FKRP: variants seen among roughly 807,000 people sequenced by gnomAD.
The protein encoded by FKRP is ribitol 5-phosphate transferase FKRP.
In FKRP, 25 loss-of-function variants were observed where a neutral mutation model predicts 30.6. That is an observed-to-expected ratio of 0.82 (90% CI 0.60 to 1.14). FKRP has a LOEUF of 1.14. Among genes scored for constraint, FKRP ranks in the 50% most tolerant of loss-of-function variants. FKRP has a pLI of 0.00. For synonymous variants in FKRP, 358 were observed against 342.5 expected, an observed-to-expected ratio of 1.05 and a Z score of -0.50; for missense variants, 771 against 727.8, an observed-to-expected ratio of 1.06 and a Z score of -0.68.
chr19:46,756,366 G>A lies in FKRP; in HGVS notation c.916G>A (p.Ala306Thr). 1.3e-6 allele frequency: 2 copies of A among 1,560,812 alleles called. No individual in the cohort carries two copies. The highest frequency in any genetic ancestry group is 1.7e-6 in the Non-Finnish European group (2 of 1,155,012). Residue 306 changes from alanine to threonine, a missense_variant, in exon 4 of 4, where the codon GCC becomes ACC. Coordinates refer to ENST00000318584, the MANE Select transcript of FKRP (RefSeq NM_024301.5). This position sits in a 1 kb window ranked among gnomAD's most constrained non-coding sequence, Gnocchi z 6.6. ...CGGAACCGTGGTGGGCGACACGCCCGCCTACCTCTACGAGGAGCGCTGGAC... is the reference window on the plus strand; with the variant it reads ...CGGAACCGTGGTGGGCGACACGCCCACCTACCTCTACGAGGAGCGCTGGAC... ...CFGTVVGDTP[A>T]YLYEERWTPP...
rs1481578790 is a variant in FKRP at position 46,756,585 on chromosome 19, C to T, written c.1135C>T (p.Arg379Trp). The stretch of plus-strand genomic sequence containing the variant: ...GGACGTGGGCAACTGCGAGCAGCTG[C>T]GGGGGGCAGAGGCCGGCTCGGTGGT... ...LEDVGNCEQL[R>W]GAEAGSVVDE... is the part of the protein sequence containing the mutation. Residue 379 changes from arginine (R) to tryptophan (W), a missense_variant, in exon 4 of 4, where the codon CGG becomes TGG. Arg to Trp is a moderately radical substitution (Grantham distance 101). Coordinates refer to ENST00000318584, the MANE Select transcript of FKRP (RefSeq NM_024301.5). The surrounding 1 kb of genome is among the most constrained non-coding windows in gnomAD (Gnocchi z 6.6). The T allele has an allele frequency of 1.2e-6, 2 of 1,610,164 alleles. No homozygotes were observed. Among genetic ancestry groups the T allele is most frequent in the Admixed American group, 1.7e-5 (1 of 59,140 alleles).
chr19:46,746,110 G>A lies in FKRP; in HGVS notation c.-253+20G>A, dbSNP rs749236827. 3.5e-5 allele frequency: 51 copies of A among 1,452,348 alleles called. No homozygotes were observed. Among genetic ancestry groups the A allele is most frequent in the Non-Finnish European group, 4.5e-5 (50 of 1,105,262 alleles). The allele number at this position is 1,452,348 out of a possible 1,614,324, so 90.0% of individuals were successfully genotyped here. On this transcript the variant is annotated intron_variant, in intron 1 of 3. Coordinates refer to ENST00000318584, the MANE Select transcript of FKRP (RefSeq NM_024301.5). ...CAGCGGGTGAGGCCGGGCCGGGCCG[G>A]GCCGGGTTGGGGGTCGGGGGTCCCG...
rs866544656 is a variant in FKRP, at chr19:46,756,316, G to A, written c.866G>A (p.Cys289Tyr). The change falls in exon 4 of 4, where the codon TGC becomes TAC. Residue 289 changes from cysteine to tyrosine, a missense_variant. By Grantham distance (194) the Cys-to-Tyr change is radical. Transcript: ENST00000318584. The surrounding 1 kb of genome is among the most constrained non-coding windows in gnomAD (Gnocchi z 6.6). ...GGCGGGCGGCTGGAGTGGTTCGGCTGCAACAAGGAGACCACGCGCTGCTTC... is the reference window on the plus strand; with the variant it reads ...GGCGGGCGGCTGGAGTGGTTCGGCTACAACAAGGAGACCACGCGCTGCTTC... Reference protein sequence around the residue: ...WEGGRLEWFGCNKETTRCFGT... With the variant: ...WEGGRLEWFGYNKETTRCFGT... The A allele has an allele frequency of 6.4e-7, 1 of 1,552,704 alleles. No homozygotes were observed. Among genetic ancestry groups the A allele is most frequent in the Non-Finnish European group, 8.7e-7 (1 of 1,153,688 alleles).
chr19:46,749,938 AC>A (rs1431482003), intron 3 of FKRP, among the ~76,000 whole-genome samples: 2 of 151,738 alleles, frequency 1.3e-5, no homozygotes. Flanking sequence ...CTGGTCTCAA[AC>A]TCCCAGGCTC....
At chr19:46,745,992 C>T (rs2054585947), upstream of FKRP, 3 of 955,904 alleles carry the variant, frequency 3.1e-6, no homozygotes, top group Non-Finnish European at 4.2e-6. Flanking sequence ...CCTCGGACGG[C>T]CCCTCACTCG....
chr19:46,750,599 C>T (rs1568414086), intron 3 of FKRP, among the ~76,000 whole-genome samples: 1 of 152,290 alleles, frequency 6.6e-6, no homozygotes, highest in East Asian at 1.9e-4. Context: ...AATCACAGCT[C>T]ACTGCAGCCT....
At chr19:46,751,555 ATTTTTTTTTTT>A (rs1226341140) in intron 3 of FKRP, among the ~76,000 whole-genome samples, 1 of 87,914 alleles carries the variant, frequency 1.1e-5, no homozygotes, top group East Asian at 3.1e-4. Flanking sequence ...ACTTTTTTGT[ATTTTTTTTTTT>A]TTTTTTTTTT....
Position 46,757,025 on chromosome 19 carries a change from G to A in FKRP, c.*87G>A. On this transcript the variant is annotated 3_prime_UTR_variant, in exon 4 of 4. Transcript: ENST00000318584. Reference sequence around the variant, plus strand: ...GAGCGGTGAGGGGTGGAGGGATGTCGCGGAGAGGGGAAGGGGGAAACTGAC... The same window carrying A: ...GAGCGGTGAGGGGTGGAGGGATGTCACGGAGAGGGGAAGGGGGAAACTGAC... 1.3e-6 allele frequency: 2 copies of A among 1,534,204 alleles called. No individual in the cohort carries two copies. The highest frequency in any genetic ancestry group is 1.2e-5 in the South Asian group (1 of 86,426).
chr19:46,748,318 C>T (rs907806227), intron 2 of FKRP, among the ~76,000 whole-genome samples, 197 bp from the exon 3 acceptor site: 27 of 152,124 alleles, frequency 1.8e-4, no homozygotes, highest in Admixed American at 7.2e-4. Context: ...GCTGGGATTA[C>T]AGGCACCTGC....
chr19:46,754,171 T>G (rs2054852935), intron 3 of FKRP: 1 of 152,066 alleles, frequency 6.6e-6, no homozygotes, highest in African/African-American at 2.4e-5. Flanking sequence ...CCTGAGTGGC[T>G]GGGACCATAG....
upstream of FKRP, among the ~76,000 whole-genome samples, chr19:46,745,521 A>T (rs2054567312): frequency 6.6e-6 from 1 of 151,176 alleles, no homozygotes; most frequent in Non-Finnish European, 1.5e-5. Flanking sequence ...GCCCCGAAAC[A>T]CACCGATCCC....
intron 3 of FKRP, among the ~76,000 whole-genome samples, chr19:46,751,386 T>C (rs1452483919): frequency 6.6e-6 from 1 of 151,402 alleles, no homozygotes; most frequent in Non-Finnish European, 1.5e-5. Context: ...TTTGTTTATT[T>C]ACTTATTTTG....
At position 46,757,109 on chromosome 19, in the gene FKRP, C is replaced by A; in HGVS notation, c.*171C>A. ...GGCTGGCATTGGCAGGAGGAGAGCA[C>A]CAGGACGAGGATGGGAAGCGACCTC... On this transcript the variant is annotated 3_prime_UTR_variant, in exon 4 of 4. Transcript: ENST00000318584. 1.1e-6 allele frequency: 1 copy of A among 899,960 alleles called. No individual in the cohort carries two copies. The highest frequency in any genetic ancestry group is 1.7e-6 in the Non-Finnish European group (1 of 572,938). The allele number at this position is 899,960 out of a possible 1,614,324, so 55.7% of individuals were successfully genotyped here. A position where few individuals can be genotyped will look rare whatever the true frequency, so the allele number is the denominator to read the frequency against.
chr19:46,753,204 G>A (rs983769236), intron 3 of FKRP, among the ~76,000 whole-genome samples: 6 of 150,026 alleles, frequency 4.0e-5, no homozygotes, highest in South Asian at 2.1e-4. Flanking sequence ...GGTGGCTCAC[G>A]CCTGTAATCC....
Position 46,748,613 on chromosome 19 carries a change from G to A in FKRP, c.-92G>A, listed in dbSNP as rs2054721834. The A allele has an allele frequency of 6.6e-6, 1 of 152,172 alleles. No individual in the cohort carries two copies. Among genetic ancestry groups the A allele is most frequent in the South Asian group, 2.1e-4 (1 of 4,826 alleles). The allele number at this position is 152,172 out of a possible 1,614,324, so 9.4% of individuals were successfully genotyped here. A position where few individuals can be genotyped will look rare whatever the true frequency, so the allele number is the denominator to read the frequency against. Reference sequence around the variant, plus strand: ...CATTTACCTTGTTTTGTGGGGACTGGAGAGACAAGTAAACTCTCAGAGTAA... The same window carrying A: ...CATTTACCTTGTTTTGTGGGGACTGAAGAGACAAGTAAACTCTCAGAGTAA... On this transcript the variant is annotated 5_prime_UTR_variant, in exon 3 of 4. Transcript: ENST00000318584.
rs1479437011 is a variant in FKRP, at chr19:46,756,425, C to T, written c.975C>T (p.Thr325=). The T allele has an allele frequency of 1.3e-6, 2 of 1,580,984 alleles. No homozygotes were observed. The highest frequency in any genetic ancestry group is 1.3e-5 in the African/African-American group (1 of 74,542). Residue 325 remains threonine (T), a synonymous_variant, in exon 4 of 4, where the codon ACC becomes ACT. Coordinates refer to ENST00000318584, the MANE Select transcript of FKRP (RefSeq NM_024301.5). This position sits in a 1 kb window ranked among gnomAD's most constrained non-coding sequence, Gnocchi z 6.6. ...GCTGCCTGCGCGCGCTGCGCGAGAC[C>T]GCCCGCTATGTGGTGGGCGTGCTGG... The part of the protein sequence containing the change: ...PPCCLRALRE[T]ARYVVGVLEA...
chr19:46,746,456 CCCGCTGTGCCT>C (rs2054626073), intron 1 of FKRP: 1 of 994,632 alleles, frequency 1.0e-6, no homozygotes, highest in African/African-American at 1.8e-5. Context: ...GGCCTGCGCG[CCCGCTGTGCCT>C]CGCGCGCCTG....
rs751586523 is a variant in FKRP, at chr19:46,756,589, G to A, written c.1139G>A (p.Gly380Glu). The change falls in exon 4 of 4, where the codon GGG becomes GAG. Residue 380 changes from glycine to glutamate, a missense_variant. Coordinates refer to ENST00000318584, the MANE Select transcript of FKRP (RefSeq NM_024301.5). This position sits in a 1 kb window ranked among gnomAD's most constrained non-coding sequence, Gnocchi z 6.6. ...EDVGNCEQLRGAEAGSVVDER... is the reference protein window; with the variant it reads ...EDVGNCEQLREAEAGSVVDER... ...GTGGGCAACTGCGAGCAGCTGCGGG[G>A]GGCAGAGGCCGGCTCGGTGGTGGAT... is the stretch of plus-strand genomic sequence containing the variant. 13 of 1,610,836 alleles carry A rather than the reference G, an allele frequency of 8.1e-6. No homozygotes were observed. In the Admixed American group the frequency reaches 1.0e-4, roughly 13 times the overall value.
intron 3 of FKRP, among the ~76,000 whole-genome samples, chr19:46,749,749 G>GCTCTGT (rs1318359292): frequency 2.0e-5 from 3 of 150,270 alleles, no homozygotes; most frequent in Admixed American, 2.0e-4. Flanking sequence ...AAAGAGTCTG[G>GCTCTGT]CTCTGTCACC....
Sources: allele counts gnomAD v4.1 joint callset (sites outside exome capture counted in the v4.1 genomes callset), GRCh38; gene constraint gnomAD v4.1.1; non-coding constraint Gnocchi (gnomAD v3.1); transcripts MANE v1.5; gene names NCBI Gene and HGNC (gene_info 2026-07-23, HGNC 2026-07-21).